The following PPARGC1A variants were observed in gnomAD, a reference collection of about 807,000 sequenced individuals.
The protein encoded by PPARGC1A is PPARG coactivator 1 alpha, also known as peroxisome proliferator-activated receptor gamma coactivator 1-alpha.
PPARGC1A carries 25 observed loss-of-function variants against 88.7 expected under a neutral mutation model. The ratio of observed to expected loss-of-function variants is 0.28; its 90% CI spans 0.21 to 0.39. The LOEUF (loss-of-function observed/expected upper bound fraction) is 0.39, where lower values mean the gene tolerates loss of function less well. Ranked by LOEUF, PPARGC1A falls within the 10% of genes least tolerant of loss-of-function variation. The pLI is 1.00. For synonymous variants in PPARGC1A, 363 were observed against 355.6 expected (o/e 1.02, Z -0.24); for missense variants, 880 against 968.7 (o/e 0.91, Z 1.22).
the PPARGC1A span, among the ~76,000 whole-genome samples, chr4:24,023,427 T>C: frequency 3.9e-5 from 6 of 152,098 alleles, no homozygotes; most frequent in African/African-American, 1.2e-4. Context: ...CCCCAAAAAG[T>C]AGAGAAAGAC....
the PPARGC1A span, among the ~76,000 whole-genome samples, chr4:24,121,836 G>A: frequency 2.0e-5 from 3 of 152,112 alleles, no homozygotes; most frequent in South Asian, 2.1e-4. Flanking sequence ...TTTTATCTGC[G>A]GCAGTGGTGA....
chr4:23,813,957 C>A lies in PPARGC1A; in HGVS notation c.1526G>T (p.Gly509Val), dbSNP rs767329564. ...MFINSGLAMD[G>V]LFDDSEDESD... ...TTCATCTTCGCTGTCATCAAACAGG[C>A]CATCCATGGCTAGTCCTGAATTTAT... The change falls in exon 8 of 13, where the codon GGC becomes GTC. Residue 509 changes from glycine (G) to valine (V), a missense_variant. Coordinates refer to ENST00000264867, the MANE Select transcript of PPARGC1A (RefSeq NM_013261.5). 3.0e-5 allele frequency: 48 copies of A among 1,614,048 alleles called. No homozygotes were observed. Among genetic ancestry groups the A allele is most frequent in the Non-Finnish European group, 4.0e-5 (47 of 1,179,970 alleles).
At chr4:24,175,602 G>A in the PPARGC1A span, among the ~76,000 whole-genome samples, 1 of 139,000 alleles carries the variant, frequency 7.2e-6, no homozygotes. Context: ...TGGCCAGACT[G>A]GTCTCAAACT....
chr4:24,425,523 C>T, the PPARGC1A span, among the ~76,000 whole-genome samples: 1 of 152,146 alleles, frequency 6.6e-6, no homozygotes, highest in African/African-American at 2.4e-5. Context: ...GTTTCTTATT[C>T]CTACATAAAA....
At chr4:24,398,880 A>C in the PPARGC1A span, among the ~76,000 whole-genome samples, 2 of 152,216 alleles carry the variant, frequency 1.3e-5, 1 homozygote, top group East Asian at 3.8e-4. Flanking sequence ...TTCAACCTCC[A>C]AAGCCAAATG....
upstream of PPARGC1A, among the ~76,000 whole-genome samples, chr4:23,893,143 G>C (rs149476626): frequency 2.2e-3 from 331 of 151,228 alleles, 2 homozygotes; most frequent in African/African-American, 7.7e-3. Context: ...AATATTAGTA[G>C]AGGCAGGAGA....
the PPARGC1A span, among the ~76,000 whole-genome samples, chr4:24,420,871 T>C: frequency 6.6e-6 from 1 of 152,280 alleles, no homozygotes; most frequent in African/African-American, 2.4e-5. Context: ...GCCTGGGAAG[T>C]CCATGATCAA....
At chr4:24,444,453 T>TA in the PPARGC1A span, among the ~76,000 whole-genome samples, 6 of 150,282 alleles carry the variant, frequency 4.0e-5, no homozygotes, top group African/African-American at 7.3e-5. Context: ...ATTTAAAAAT[T>TA]TAAAAAAAAA....
intron 2 of PPARGC1A, among the ~76,000 whole-genome samples, chr4:23,870,043 A>T (rs1712955343): frequency 6.6e-6 from 1 of 152,138 alleles, no homozygotes; most frequent in African/African-American, 2.4e-5. Flanking sequence ...TATTTCATGG[A>T]GCATTTTCTT....
the PPARGC1A span, among the ~76,000 whole-genome samples, chr4:24,450,458 C>T: frequency 6.6e-6 from 1 of 152,220 alleles, no homozygotes; most frequent in African/African-American, 2.4e-5. Flanking sequence ...ATTATACTTA[C>T]ATTTCTTTCT....
the PPARGC1A span, among the ~76,000 whole-genome samples, chr4:24,335,809 A>G: frequency 2.0e-5 from 3 of 152,178 alleles, no homozygotes; most frequent in African/African-American, 7.2e-5. Context: ...CTTGCTTCCA[A>G]TTTGAATTGC....
At chr4:24,387,267 AAGAC>A in the PPARGC1A span, among the ~76,000 whole-genome samples, 2 of 152,172 alleles carry the variant, frequency 1.3e-5, no homozygotes, top group Non-Finnish European at 2.9e-5. Context: ...ACTTAAATGT[AAGAC>A]CTAAAACCAT....
the PPARGC1A span, among the ~76,000 whole-genome samples, chr4:23,940,637 G>A: frequency 6.6e-6 from 1 of 152,300 alleles, no homozygotes; most frequent in East Asian, 1.9e-4. Flanking sequence ...ACTAATAGCA[G>A]CATCATGAAA....
At chr4:24,321,341 A>C in the PPARGC1A span, among the ~76,000 whole-genome samples, 4 of 152,164 alleles carry the variant, frequency 2.6e-5, no homozygotes, top group Non-Finnish European at 5.9e-5. Flanking sequence ...AGGCCTGCGA[A>C]CTTGTGTCCT....
intron 12 of PPARGC1A, 76 bp downstream of exon 12, chr4:23,801,654 G>A: frequency 6.7e-7 from 1 of 1,493,392 alleles, no homozygotes; most frequent in Non-Finnish European, 9.3e-7. Flanking sequence ...AACCCAAGGT[G>A]CCTACGGATT....
At chr4:24,082,257 A>G in the PPARGC1A span, among the ~76,000 whole-genome samples, 3 of 152,126 alleles carry the variant, frequency 2.0e-5, no homozygotes, top group African/African-American at 7.2e-5. Context: ...ATTTAAACAG[A>G]TCATATTCTT....
chr4:23,929,839 T>C, the PPARGC1A span, among the ~76,000 whole-genome samples: 2 of 152,196 alleles, frequency 1.3e-5, no homozygotes, highest in Non-Finnish European at 2.9e-5. Context: ...ACCTTTTATT[T>C]AGCATTCATT....
the PPARGC1A span, among the ~76,000 whole-genome samples, chr4:23,985,126 C>T: frequency 6.6e-5 from 10 of 152,254 alleles, no homozygotes; most frequent in African/African-American, 9.6e-5. Context: ...TAACAGTCTT[C>T]AAGTCCATCA....
chr4:23,827,306 G>A (rs1195162647), intron 5 of PPARGC1A, among the ~76,000 whole-genome samples: 1 of 151,820 alleles, frequency 6.6e-6, no homozygotes, highest in African/African-American at 2.4e-5. Context: ...CAGAACACTG[G>A]GGAAAAAAAG....
Sources: allele counts gnomAD v4.1 joint callset (sites outside exome capture counted in the v4.1 genomes callset), GRCh38; gene constraint gnomAD v4.1.1; transcripts MANE v1.5; gene names NCBI Gene and HGNC (gene_info 2026-07-23, HGNC 2026-07-21).